The following TOP6BL variants were observed in gnomAD, a reference collection of about 807,000 sequenced individuals.
TOP6BL encodes the protein TOP6B like initiator of meiotic double strand breaks, also known as type 2 DNA topoisomerase 6 subunit B-like.
chr11:66,843,127 G>C, the TOP6BL span: 1 of 1,605,476 alleles, frequency 6.2e-7, no homozygotes, highest in Non-Finnish European at 8.5e-7. Context: ...GCCACGGGCC[G>C]CTGCTGAGAG....
the TOP6BL span, among the ~76,000 whole-genome samples, chr11:66,784,126 G>A: frequency 2.0e-5 from 3 of 152,120 alleles, no homozygotes; most frequent in African/African-American, 7.2e-5. Context: ...CACCTCCTGG[G>A]TTCATGCCAT....
chr11:66,793,979 A>G, the TOP6BL span, among the ~76,000 whole-genome samples: 1 of 151,812 alleles, frequency 6.6e-6, no homozygotes, highest in Non-Finnish European at 1.5e-5. Context: ...AGGTGTGGTG[A>G]TACACACTTG....
At chr11:66,761,463 C>T in the TOP6BL span, 10 of 331,204 alleles carry the variant, frequency 3.0e-5, no homozygotes, top group Admixed American at 4.7e-4. Flanking sequence ...GGTATTTTTT[C>T]CCCATGATAT....
At chr11:66,821,809 AAGAT>A in the TOP6BL span, 2 of 1,601,810 alleles carry the variant, frequency 1.2e-6, no homozygotes, top group Non-Finnish European at 1.7e-6. Flanking sequence ...CTCTAAGAAA[AAGAT>A]AGCAAGCATA....
the TOP6BL span, among the ~76,000 whole-genome samples, chr11:66,811,210 C>G: frequency 6.6e-6 from 1 of 152,096 alleles, no homozygotes; most frequent in Non-Finnish European, 1.5e-5. Flanking sequence ...CTCTGTTGCC[C>G]AGGCTGGAGT....
At chr11:66,826,194 A>C in the TOP6BL span, among the ~76,000 whole-genome samples, 3 of 152,174 alleles carry the variant, frequency 2.0e-5, no homozygotes, top group African/African-American at 7.2e-5. Flanking sequence ...TAACACAAAA[A>C]AATTTTAAAA....
chr11:66,756,379 C>T, the TOP6BL span: 2 of 1,189,350 alleles, frequency 1.7e-6, no homozygotes, highest in Non-Finnish European at 2.1e-6. Flanking sequence ...GTTACCCAGG[C>T]CGGAGTGCAG....
the TOP6BL span, among the ~76,000 whole-genome samples, chr11:66,814,991 C>G: frequency 6.6e-6 from 1 of 152,070 alleles, no homozygotes; most frequent in African/African-American, 2.4e-5. Flanking sequence ...ATTGACTGTT[C>G]TAACTAGAAT....
At chr11:66,766,438 C>G in the TOP6BL span, among the ~76,000 whole-genome samples, 1 of 152,098 alleles carries the variant, frequency 6.6e-6, no homozygotes, top group Non-Finnish European at 1.5e-5. Context: ...CTTTTTTCCC[C>G]TTTCTTCTCT....
At chr11:66,762,018 G>A in the TOP6BL span, 29 of 1,530,142 alleles carry the variant, frequency 1.9e-5, no homozygotes, top group Middle Eastern at 1.9e-4. Context: ...AATATTGAAA[G>A]TGACAGTGAT....
the TOP6BL span, among the ~76,000 whole-genome samples, chr11:66,763,471 C>CATTATT: frequency 6.6e-6 from 1 of 151,484 alleles, no homozygotes; most frequent in Non-Finnish European, 1.5e-5. Flanking sequence ...AGATTTTAAA[C>CATTATT]ATTATTATTA....
the TOP6BL span, among the ~76,000 whole-genome samples, chr11:66,808,763 A>T: frequency 6.6e-6 from 1 of 152,230 alleles, no homozygotes; most frequent in Admixed American, 6.5e-5. Flanking sequence ...GATAGCAAGA[A>T]CTTAGCAAAA....
chr11:66,812,672 C>T, the TOP6BL span, among the ~76,000 whole-genome samples: 3 of 152,230 alleles, frequency 2.0e-5, no homozygotes, highest in Middle Eastern at 3.4e-3. Flanking sequence ...AGGATGAAAA[C>T]GAATGAAAGA....
the TOP6BL span, among the ~76,000 whole-genome samples, chr11:66,841,180 G>A: frequency 7.3e-6 from 1 of 136,428 alleles, no homozygotes; most frequent in South Asian, 2.3e-4. Flanking sequence ...GCAGTGGCGT[G>A]ATCTCGGCTC....
chr11:66,796,069 GA>G, the TOP6BL span: 2 of 492,928 alleles, frequency 4.1e-6, no homozygotes, highest in Non-Finnish European at 7.3e-6. Context: ...CGTGTCTTCT[GA>G]AGTTCCGTGT....
At chr11:66,748,886 AAAAG>A in the TOP6BL span, among the ~76,000 whole-genome samples, 1 of 151,690 alleles carries the variant, frequency 6.6e-6, no homozygotes, top group African/African-American at 2.4e-5. Flanking sequence ...AAAAAAAAAA[AAAAG>A]GAAAAATGAT....
At chr11:66,800,398 A>G in the TOP6BL span, among the ~76,000 whole-genome samples, 22 of 152,322 alleles carry the variant, frequency 1.4e-4, no homozygotes, top group East Asian at 3.9e-3. Flanking sequence ...TCTTACCACA[A>G]AAAATGCTAG....
At chr11:66,796,859 TG>T in the TOP6BL span, among the ~76,000 whole-genome samples, 2 of 150,924 alleles carry the variant, frequency 1.3e-5, no homozygotes, top group East Asian at 4.0e-4. Flanking sequence ...TTAAGACAGT[TG>T]TTTTTTTTTT....
At chr11:66,794,399 A>G in the TOP6BL span, among the ~76,000 whole-genome samples, 1 of 152,148 alleles carries the variant, frequency 6.6e-6, no homozygotes, top group South Asian at 2.1e-4. Context: ...GTGAGTCAGT[A>G]TAGGTAAGTG....
Sources: allele counts gnomAD v4.1 joint callset (sites outside exome capture counted in the v4.1 genomes callset), GRCh38; gene constraint gnomAD v4.1.1; transcripts MANE v1.5; gene names NCBI Gene and HGNC (gene_info 2026-07-23, HGNC 2026-07-21).